Variants in DNAI2 observed in about 807,000 individuals in gnomAD.
DNAI2 encodes dynein, axonemal, intermediate polypeptide 2.
Under a neutral mutation model 74.7 loss-of-function variants are expected in DNAI2, and 63 were observed. The observed-to-expected ratio is 0.84, with a 90% CI of 0.69 to 1.04. The LOEUF (loss-of-function observed/expected upper bound fraction) is 1.04, where lower values mean the gene tolerates loss of function less well. Ranked by LOEUF, DNAI2 falls within the 50% of genes least tolerant of loss-of-function variation. The pLI is 0.00. For synonymous variants in DNAI2, 289 were observed against 314.9 expected (o/e 0.92, Z 0.87); for missense variants, 688 against 803.2 (o/e 0.86, Z 1.73).
At chr17:74,298,239 T>G (rs1299673543) in intron 6 of DNAI2, among the ~76,000 whole-genome samples, 1 of 152,264 alleles carries the variant, frequency 6.6e-6, no homozygotes, top group African/African-American at 2.4e-5. Context: ...TGGGACCCAG[T>G]GGGACCTACT....
At chr17:74,284,552 A>G (rs1485429929) in intron 2 of DNAI2, among the ~76,000 whole-genome samples, 5 of 151,960 alleles carry the variant, frequency 3.3e-5, no homozygotes, top group Non-Finnish European at 7.4e-5. Context: ...AGCTGGGACT[A>G]CAGGCGCCCA....
rs368636962 is a variant in DNAI2 at position 74,289,749 on chromosome 17, G to A, written c.610+13G>A. The A allele has an allele frequency of 3.0e-5, 48 of 1,613,746 alleles. No individual in the cohort carries two copies. The highest frequency in any genetic ancestry group is 3.0e-4 in the South Asian group (27 of 91,060). On this transcript the variant is annotated intron_variant, in intron 5 of 13. Transcript: ENST00000311014. ...ATCTGGGACCTGGGTGAGAAGCAGC[G>A]GGGTCCTGGTGGCCTGGGAGGGCTG...
chr17:74,289,816 C>A, intron 5 of DNAI2, 80 bp downstream of exon 5: 1 of 1,589,344 alleles, frequency 6.3e-7, no homozygotes, highest in South Asian at 1.1e-5. Flanking sequence ...GAGGGAGGGG[C>A]AGGAGGTCAA....
In DNAI2 at chr17:74,300,944, G is replaced by A. The variant is rs975538556; in HGVS notation, c.865-102G>A. Reference sequence around the variant, plus strand: ...ATTGCCGGGAGCTCCATCCTTTGTGGCCCAGTGGCTGACCCCAGGACGGTG... The same window carrying A: ...ATTGCCGGGAGCTCCATCCTTTGTGACCCAGTGGCTGACCCCAGGACGGTG... On this transcript the variant is annotated intron_variant, in intron 7 of 13. Transcript: ENST00000311014. The surrounding 1 kb of genome is among the most constrained non-coding windows in gnomAD (Gnocchi z 4.5). The A allele has an allele frequency of 2.6e-6, 4 of 1,534,928 alleles. No individual in the cohort carries two copies. The African/African-American group carries it at 5.4e-5, about 21-fold the overall frequency.
At chr17:74,284,622 G>A (rs1386750330) in intron 2 of DNAI2, among the ~76,000 whole-genome samples, 3 of 151,994 alleles carry the variant, frequency 2.0e-5, no homozygotes, top group Admixed American at 1.3e-4. Flanking sequence ...CCGTGTTAGC[G>A]AGGACGGTCT....
chr17:74,302,165 T>A (rs1051348705), intron 8 of DNAI2, among the ~76,000 whole-genome samples: 2 of 152,010 alleles, frequency 1.3e-5, no homozygotes, highest in Non-Finnish European at 2.9e-5. Flanking sequence ...GCGCCGTGGC[T>A]CACACCTGTA....
At chr17:74,290,932 C>G in intron 5 of DNAI2, 88 bp from the exon 6 acceptor site, 1 of 1,186,058 alleles carries the variant, frequency 8.4e-7, no homozygotes, top group Admixed American at 1.7e-5. Context: ...ACCATGCCCC[C>G]GCTACCCACC....
At chr17:74,310,331 A>C (rs2053448981) in intron 11 of DNAI2, among the ~76,000 whole-genome samples, 168 bp downstream of exon 11, 1 of 133,666 alleles carries the variant, frequency 7.5e-6, no homozygotes, top group African/African-American at 2.8e-5. Flanking sequence ...TGGTGTGTCC[A>C]TTTGCCTTTG....
At chr17:74,276,317 T>A (rs928423596) in intron 1 of DNAI2, among the ~76,000 whole-genome samples, 3 of 152,192 alleles carry the variant, frequency 2.0e-5, no homozygotes, top group Non-Finnish European at 4.4e-5. Context: ...TTCTGCGTGT[T>A]CCTGTGTTTG....
intron 12 of DNAI2, 40 bp from the exon 13 acceptor site, chr17:74,314,081 C>T: frequency 1.2e-6 from 2 of 1,613,540 alleles, no homozygotes; most frequent in East Asian, 2.2e-5. Context: ...AGGCCTGTCC[C>T]CTACCAACAC....
At chr17:74,275,656 G>A (rs573945175) in intron 1 of DNAI2, among the ~76,000 whole-genome samples, 2 of 152,246 alleles carry the variant, frequency 1.3e-5, no homozygotes, top group East Asian at 3.9e-4. Flanking sequence ...AAACCTGGGA[G>A]GTGGAGGTTG....
rs201802455 is a variant in DNAI2 at position 74,281,990 on chromosome 17, C to T, written c.173C>T (p.Ser58Leu). The change falls in exon 2 of 14, where the codon TCG becomes TTG. Residue 58 changes from serine to leucine, a missense_variant. Ser to Leu is a moderately radical substitution (Grantham distance 145). Coordinates refer to ENST00000311014, the MANE Select transcript of DNAI2 (RefSeq NM_023036.6). ...DTGIQCSISM[S>L]EHEANSERFE... is the part of the protein sequence containing the mutation. ...GGCATCCAGTGCTCGATCAGCATGT[C>T]GGAACACGAGGTGGGTCCCTGCCCC... 6 of 1,614,036 alleles carry T rather than the reference C, an allele frequency of 3.7e-6. No homozygotes were observed. The Admixed American group carries it at 8.3e-5, about 22-fold the overall frequency.
At chr17:74,310,961 A>G (rs573604290) in intron 11 of DNAI2, among the ~76,000 whole-genome samples, 1 of 151,796 alleles carries the variant, frequency 6.6e-6, no homozygotes, top group East Asian at 1.9e-4. Flanking sequence ...TGCAGCCTCT[A>G]CCTCCCAGGC....
chr17:74,313,642 C>G (rs1226620005), intron 12 of DNAI2, among the ~76,000 whole-genome samples: 1 of 152,240 alleles, frequency 6.6e-6, no homozygotes, highest in Non-Finnish European at 1.5e-5. Context: ...TTCAGGTTCA[C>G]AGAACTTGGC....
intron 1 of DNAI2, 168 bp from the exon 2 acceptor site, chr17:74,281,639 T>C (rs1468681676): frequency 1.5e-6 from 1 of 646,196 alleles, no homozygotes; most frequent in African/African-American, 1.8e-5. Flanking sequence ...ACTCAGGATT[T>C]TTTTTTAATG....
At chr17:74,314,473 C>A in intron 13 of DNAI2, 116 bp from the exon 14 acceptor site, 1 of 592,644 alleles carries the variant, frequency 1.7e-6, no homozygotes, top group Non-Finnish European at 2.8e-6. Flanking sequence ...CCCATTGTCT[C>A]AGCCACCCTG....
At chr17:74,308,012 G>T (rs1326428039) in intron 9 of DNAI2, among the ~76,000 whole-genome samples, 2 of 152,048 alleles carry the variant, frequency 1.3e-5, no homozygotes, top group Non-Finnish European at 2.9e-5. Flanking sequence ...TGGCCAGGCT[G>T]ATCTCAAACT....
intron 1 of DNAI2, among the ~76,000 whole-genome samples, chr17:74,280,342 T>G (rs1007011792): frequency 2.0e-5 from 3 of 152,222 alleles, no homozygotes; most frequent in African/African-American, 7.2e-5. Context: ...AAAGACTAAG[T>G]GGCCCTGCCT....
In DNAI2 at chr17:74,300,697, C is replaced by G. The variant is rs564023859; in HGVS notation, c.865-349C>G. Among the ~76,000 whole-genome samples the G allele has an allele frequency of 6.6e-6, 1 of 152,184 alleles. No homozygotes were observed. Among genetic ancestry groups the G allele is most frequent in the East Asian group, 1.9e-4 (1 of 5,198 alleles). ...ATTGCTGGCAGTGGGACTTCTAGGT[C>G]GGAGCACACATGCATTTTTAACATT... On this transcript the variant is annotated intron_variant, in intron 7 of 13. Transcript: ENST00000311014. This position sits in a 1 kb window ranked among gnomAD's most constrained non-coding sequence, Gnocchi z 4.5.
Sources: allele counts gnomAD v4.1 joint callset (sites outside exome capture counted in the v4.1 genomes callset), GRCh38; gene constraint gnomAD v4.1.1; non-coding constraint Gnocchi (gnomAD v3.1); transcripts MANE v1.5; gene names NCBI Gene and HGNC (gene_info 2026-07-23, HGNC 2026-07-21).